The following MTTP variants were observed in gnomAD, a reference collection of about 807,000 sequenced individuals.
The protein encoded by MTTP is microsomal triglyceride transfer protein large subunit.
In MTTP, 49 loss-of-function variants were observed where a neutral mutation model predicts 90.6. The ratio of observed to expected loss-of-function variants is 0.54; its 90% confidence interval spans 0.43 to 0.69. MTTP has a LOEUF of 0.69. Among genes scored for constraint, MTTP ranks in the 30% least tolerant of loss-of-function variants. MTTP has a pLI of 0.00. For synonymous variants in MTTP, 347 were observed against 384.2 expected, an observed-to-expected ratio of 0.90 and a Z score of 1.13; for missense variants, 945 against 1,067.5, an observed-to-expected ratio of 0.89 and a Z score of 1.60.
intron 10 of MTTP, among the ~76,000 whole-genome samples, chr4:99,605,769 C>T (rs1578249351): frequency 6.6e-6 from 1 of 152,200 alleles, no homozygotes; most frequent in Non-Finnish European, 1.5e-5. Context: ...TGTCACTTCT[C>T]TGATTAAGTG....
At chr4:99,592,549 T>G (rs1725456670) in intron 6 of MTTP, among the ~76,000 whole-genome samples, 1 of 151,830 alleles carries the variant, frequency 6.6e-6, no homozygotes. Flanking sequence ...TTTTAAAAAT[T>G]TCTGGTTAAA....
At chr4:99,564,718 T>C (rs763192204) in intron 1 of MTTP, among the ~76,000 whole-genome samples, 2 of 152,180 alleles carry the variant, frequency 1.3e-5, no homozygotes, top group African/African-American at 4.8e-5. Context: ...TATTGCAGAA[T>C]TTGAAGGTAA....
intron 15 of MTTP, among the ~76,000 whole-genome samples, chr4:99,617,507 T>C (rs1329198415): frequency 6.6e-6 from 1 of 152,168 alleles, no homozygotes; most frequent in Non-Finnish European, 1.5e-5. Context: ...GGCAAATGCA[T>C]GGCTTGTTTG....
chr4:99,583,299 T>G, intron 2 of MTTP, 75 bp from the exon 3 acceptor site: 2 of 1,510,364 alleles, frequency 1.3e-6, no homozygotes, highest in Non-Finnish European at 1.8e-6. Flanking sequence ...TTCTTTATCA[T>G]TTTATTTTCA....
rs559010929 is a variant in MTTP at position 99,616,230 on chromosome 4, C to CA, written c.2218-2738dup. Among the ~76,000 whole-genome samples, 345 of 152,100 alleles carry CA rather than the reference C, an allele frequency of 2.3e-3. 2 individuals carry two copies. The highest frequency in any genetic ancestry group is 8.0e-3 in the African/African-American group (332 of 41,478). On this transcript the variant is annotated intron_variant, in intron 15 of 17. Coordinates refer to ENST00000265517, the MANE Select transcript of MTTP (RefSeq NM_001386140.1). ...GCAACATGGTGAAACCCCAGATCTA[C>CA]AAAAAATAAAAAAATTAGCTGGGCA...
chr4:99,607,673 T>C (rs1170591388), intron 11 of MTTP, among the ~76,000 whole-genome samples: 2 of 152,222 alleles, frequency 1.3e-5, no homozygotes, highest in Non-Finnish European at 2.9e-5. Context: ...TTGAATATCA[T>C]TAGGCAGTTC....
Position 99,597,072 on chromosome 4 carries a change from G to A in MTTP, c.915G>A (p.Ser305=), listed in dbSNP as rs199716549. The A allele has an allele frequency of 1.2e-4, 197 of 1,613,760 alleles. 1 individual carries two copies. Among genetic ancestry groups the A allele is most frequent in the Middle Eastern group, 1.2e-3 (7 of 6,012 alleles). Residue 305 remains serine (S), a synonymous_variant, in exon 8 of 18, where the codon TCG becomes TCA. Coordinates refer to ENST00000265517, the MANE Select transcript of MTTP (RefSeq NM_001386140.1). ...QSHCKGCPSL[S]ELWRSTRKYL... ...CTGCAGTGTATGTTTTGCAGCTCTC[G>A]GAGCTCTGGCGGTCCACCAGGAAAT...
intron 2 of MTTP, among the ~76,000 whole-genome samples, chr4:99,583,018 G>A (rs893556034): frequency 2.0e-5 from 3 of 152,052 alleles, no homozygotes; most frequent in Non-Finnish European, 4.4e-5. Context: ...TAGGGCAGGG[G>A]TCCTTTCCAA....
intron 1 of MTTP, among the ~76,000 whole-genome samples, chr4:99,577,628 AAAAG>A (rs1337852429): frequency 1.7e-4 from 25 of 150,110 alleles, no homozygotes; most frequent in Admixed American, 1.4e-3. Flanking sequence ...AAAAAGAAAG[AAAAG>A]AAAGAAAGGA....
chr4:99,569,912 A>G (rs546826865), upstream of MTTP, among the ~76,000 whole-genome samples: 1 of 152,004 alleles, frequency 6.6e-6, no homozygotes, highest in Non-Finnish European at 1.5e-5. Flanking sequence ...GCTTCATGGA[A>G]TTCTGTTGAA....
At chr4:99,573,108 G>A (rs1724875080), upstream of MTTP, among the ~76,000 whole-genome samples, 1 of 152,030 alleles carries the variant, frequency 6.6e-6, no homozygotes, top group Non-Finnish European at 1.5e-5. Flanking sequence ...TTACCCGAAG[G>A]GCACGTATCA....
intron 1 of MTTP, among the ~76,000 whole-genome samples, chr4:99,567,163 A>G (rs1043200396): frequency 3.3e-5 from 5 of 152,230 alleles, no homozygotes; most frequent in African/African-American, 1.2e-4. Context: ...ATACTTATAC[A>G]TACATATTAC....
At chr4:99,583,290 T>C in intron 2 of MTTP, 84 bp from the exon 3 acceptor site, 2 of 1,476,570 alleles carry the variant, frequency 1.4e-6, no homozygotes, top group Non-Finnish European at 1.9e-6. Flanking sequence ...TCTTTCTGTT[T>C]CTTTATCATT....
chr4:99,622,629 T>C (rs1156901294), intron 17 of MTTP, 48 bp from the exon 18 acceptor site: 2 of 1,596,058 alleles, frequency 1.3e-6, no homozygotes, highest in African/African-American at 2.7e-5. Context: ...AGGTATAGGG[T>C]GACTTAACTG....
chr4:99,576,349 T>A (rs891512144), intron 1 of MTTP, among the ~76,000 whole-genome samples: 1 of 152,204 alleles, frequency 6.6e-6, no homozygotes, highest in South Asian at 2.1e-4. Context: ...TCTCCTGTTT[T>A]CCCATTTTAT....
upstream of MTTP, among the ~76,000 whole-genome samples, chr4:99,572,308 T>C (rs1035157531): frequency 6.6e-6 from 1 of 152,016 alleles, no homozygotes; most frequent in Non-Finnish European, 1.5e-5. Context: ...AGCCTGAATG[T>C]CTAACCACAA....
chr4:99,569,129 A>G (rs942746809), intron 1 of MTTP, among the ~76,000 whole-genome samples: 16 of 152,176 alleles, frequency 1.1e-4, no homozygotes, highest in African/African-American at 3.6e-4. Flanking sequence ...AAATAGAGAT[A>G]AATCATGTTG....
chr4:99,604,922 C>A (rs1725777787), intron 10 of MTTP, among the ~76,000 whole-genome samples: 1 of 152,104 alleles, frequency 6.6e-6, no homozygotes, highest in Non-Finnish European at 1.5e-5. Flanking sequence ...TTTTACAGTT[C>A]TTTTTGTCCT....
rs757629974 is a variant in MTTP at position 99,591,686 on chromosome 4, C to T, written c.654C>T (p.Thr218=). ...LGVSSKATSV[T]TYKIEDSFVI... ...TCAGTTCAAAAGCTACATCTGTCAC[C>T]ACCTATAAGATAGAAGACAGCTTTG... is the stretch of plus-strand genomic sequence containing the variant. The change falls in exon 6 of 18, where the codon ACC becomes ACT. Residue 218 remains threonine (T), a synonymous_variant. Transcript: ENST00000265517. The T allele has an allele frequency of 1.2e-6, 2 of 1,612,846 alleles. No homozygotes were observed. Among genetic ancestry groups the T allele is most frequent in the Non-Finnish European group, 1.7e-6 (2 of 1,179,150 alleles).
Sources: gnomAD v4.1 joint callset for allele counts (sites outside exome capture counted in the v4.1 genomes callset) on GRCh38, gnomAD v4.1.1 for gene constraint, MANE v1.5 for transcripts, NCBI Gene and HGNC (gene_info 2026-07-23, HGNC 2026-07-21) for gene names.